RANBP2: variants seen among roughly 807,000 people sequenced by gnomAD.
RANBP2 encodes RAN binding protein 2.
In RANBP2, 57 loss-of-function variants were observed where a neutral mutation model predicts 303.6. The ratio of observed to expected loss-of-function variants is 0.19; its 90% confidence interval spans 0.15 to 0.23. The LOEUF (loss-of-function observed/expected upper bound fraction) is 0.23. RANBP2 is among the 10% of genes least tolerant of loss of function. The probability of loss-of-function intolerance (pLI) is 1.00; values close to 1 mark genes in which losing one functional copy is unlikely to be tolerated. For missense variants in RANBP2, 3,138 were observed against 3,780.8 expected (o/e 0.83, Z 4.46); for synonymous variants, 1,167 against 1,301.5 (o/e 0.90, Z 2.23).
the RANBP2 span, among the ~76,000 whole-genome samples, chr2:109,444,936 A>C: frequency 6.6e-6 from 1 of 152,220 alleles, no homozygotes; most frequent in Non-Finnish European, 1.5e-5. Flanking sequence ...TACACACACA[A>C]AAAAGAAAAA....
chr2:108,922,385 G>A, the RANBP2 span, among the ~76,000 whole-genome samples: 2 of 152,240 alleles, frequency 1.3e-5, no homozygotes, highest in African/African-American at 4.8e-5. Context: ...TTAGCATATG[G>A]CTGGCCAGGA....
the RANBP2 span, among the ~76,000 whole-genome samples, chr2:109,634,659 T>C: frequency 6.6e-6 from 1 of 152,252 alleles, no homozygotes; most frequent in Non-Finnish European, 1.5e-5. Flanking sequence ...TGGTGACGTG[T>C]ATATTGGTAC....
chr2:108,793,272 A>G, the RANBP2 span, among the ~76,000 whole-genome samples: 1 of 149,482 alleles, frequency 6.7e-6, no homozygotes, highest in Non-Finnish European at 1.5e-5. Flanking sequence ...GGCGGAGCTT[A>G]CAGTGAGCCG....
chr2:108,729,826 C>T (rs1326054156), intron 2 of RANBP2, among the ~76,000 whole-genome samples: 1 of 151,466 alleles, frequency 6.6e-6, no homozygotes, highest in Non-Finnish European at 1.5e-5. Context: ...CTCAAGAGAT[C>T]TTCCCACCTC....
the RANBP2 span, among the ~76,000 whole-genome samples, chr2:109,370,366 A>G: frequency 1.3e-5 from 2 of 151,888 alleles, no homozygotes; most frequent in South Asian, 2.1e-4. Flanking sequence ...CAGACTCCCA[A>G]GTAGCTGGGA....
chr2:109,000,547 A>G, the RANBP2 span, among the ~76,000 whole-genome samples: 1 of 152,156 alleles, frequency 6.6e-6, no homozygotes, highest in African/African-American at 2.4e-5. Context: ...ACAAACAAAC[A>G]AAAACCCAAA....
At chr2:109,351,397 T>C in the RANBP2 span, among the ~76,000 whole-genome samples, 1 of 152,210 alleles carries the variant, frequency 6.6e-6, no homozygotes, top group Non-Finnish European at 1.5e-5. Context: ...CCACATGATA[T>C]AAATAAATTG....
At chr2:109,247,760 G>A in the RANBP2 span, among the ~76,000 whole-genome samples, 1 of 152,140 alleles carries the variant, frequency 6.6e-6, no homozygotes, top group Non-Finnish European at 1.5e-5. Flanking sequence ...AAAACTTAGA[G>A]GCTTAAAATA....
the RANBP2 span, among the ~76,000 whole-genome samples, chr2:109,409,866 T>C: frequency 6.6e-6 from 1 of 151,972 alleles, no homozygotes; most frequent in Non-Finnish European, 1.5e-5. Flanking sequence ...TGGTAGCGAG[T>C]GATGAATAAT....
intron 4 of RANBP2, among the ~76,000 whole-genome samples, chr2:108,733,385 G>A (rs1183052283): frequency 2.8e-5 from 4 of 144,632 alleles, no homozygotes; most frequent in African/African-American, 7.7e-5. Context: ...CACCCACTTC[G>A]GCCTCCCAAA....
At chr2:109,465,276 A>G in the RANBP2 span, among the ~76,000 whole-genome samples, 1 of 152,248 alleles carries the variant, frequency 6.6e-6, no homozygotes, top group Non-Finnish European at 1.5e-5. Context: ...TACAGCCGCT[A>G]TAAACATCTT....
the RANBP2 span, among the ~76,000 whole-genome samples, chr2:109,116,843 T>C: frequency 1.3e-5 from 2 of 150,474 alleles, no homozygotes; most frequent in East Asian, 2.2e-4. Context: ...TAGTTTTCCT[T>C]TTAACAGACA....
chr2:109,392,127 G>C, the RANBP2 span, among the ~76,000 whole-genome samples: 1 of 152,186 alleles, frequency 6.6e-6, no homozygotes, highest in South Asian at 2.1e-4. Flanking sequence ...AAAAAGGCCT[G>C]ATTTTTAAAG....
chr2:108,746,253 C>T (rs1027336642), intron 7 of RANBP2, among the ~76,000 whole-genome samples: 1 of 139,532 alleles, frequency 7.2e-6, no homozygotes, highest in African/African-American at 2.8e-5. Context: ...CGCTCTTTCA[C>T]CCAGGCTGGA....
chr2:109,066,408 G>C, the RANBP2 span, among the ~76,000 whole-genome samples: 1 of 152,072 alleles, frequency 6.6e-6, no homozygotes, highest in East Asian at 1.9e-4. Flanking sequence ...TGCTGGCCGT[G>C]GATTCTTTTT....
chr2:109,203,969 G>T, the RANBP2 span, among the ~76,000 whole-genome samples: 1 of 152,246 alleles, frequency 6.6e-6, no homozygotes, highest in African/African-American at 2.4e-5. Context: ...CGGTGCTCCA[G>T]TGTGAAGCAT....
At chr2:109,564,555 A>G in the RANBP2 span, 1 of 1,472,618 alleles carries the variant, frequency 6.8e-7, no homozygotes, top group South Asian at 1.5e-5. Flanking sequence ...AAAAATAAGA[A>G]AAGAACAACA....
At chr2:108,741,236 C>T (rs759391665) in intron 7 of RANBP2, among the ~76,000 whole-genome samples, 4 of 152,052 alleles carry the variant, frequency 2.6e-5, no homozygotes, top group African/African-American at 9.7e-5. Flanking sequence ...GTCTCTCTGT[C>T]ACCAGGCTGG....
At chr2:109,439,247 C>T in the RANBP2 span, among the ~76,000 whole-genome samples, 5 of 152,178 alleles carry the variant, frequency 3.3e-5, no homozygotes, top group Non-Finnish European at 1.5e-5. Context: ...TTTAATGTTA[C>T]ACACGGGGAG....
Sources: gnomAD v4.1 joint callset for allele counts (sites outside exome capture counted in the v4.1 genomes callset) on GRCh38, gnomAD v4.1.1 for gene constraint, MANE v1.5 for transcripts, NCBI Gene and HGNC (gene_info 2026-07-23, HGNC 2026-07-21) for gene names.